CCDC192: variants seen among roughly 807,000 people sequenced by gnomAD.
CCDC192 encodes the protein coiled-coil domain-containing protein 192.
chr5:127,933,076 C>T (rs987986857), intron 6 of CCDC192, among the ~76,000 whole-genome samples: 7 of 152,016 alleles, frequency 4.6e-5, no homozygotes, highest in Non-Finnish European at 8.8e-5. Flanking sequence ...ACATGCCAGG[C>T]CTGGTAGAAC....
intron 2 of CCDC192, among the ~76,000 whole-genome samples, chr5:127,714,786 C>G (rs1751529741): frequency 6.6e-6 from 1 of 152,184 alleles, no homozygotes; most frequent in South Asian, 2.1e-4. Flanking sequence ...CTCTCACCAG[C>G]ATTCATTATT....
At position 127,707,777 on chromosome 5, in the gene CCDC192, G is replaced by GTATGAATTC; in HGVS notation, c.114+19_114+27dup. ...AAAGTATCGGTAAGAAATGAAGTTT[G>GTATGAATTC]TATGAATTCTTTATTTAAAAAAATC... is the stretch of plus-strand genomic sequence containing the variant. On this transcript the variant is annotated intron_variant, in intron 2 of 6. Transcript: ENST00000514853. 2.5e-6 allele frequency: 1 copy of GTATGAATTC among 397,930 alleles called. No homozygotes were observed. The highest frequency in any genetic ancestry group is 4.4e-6 in the Non-Finnish European group (1 of 225,428). The allele number at this position is 397,930 out of a possible 1,614,324, so 24.6% of individuals were successfully genotyped here.
chr5:127,798,257 C>G (rs1757286532), intron 5 of CCDC192, 95 bp downstream of exon 5: 9 of 394,600 alleles, frequency 2.3e-5, no homozygotes, highest in Admixed American at 1.8e-4. Context: ...TGAGTTTCGT[C>G]TGGAGCAAAC....
intron 6 of CCDC192, among the ~76,000 whole-genome samples, chr5:127,913,043 T>C (rs1753419759): frequency 6.6e-6 from 1 of 152,168 alleles, no homozygotes; most frequent in South Asian, 2.1e-4. Context: ...AATGTTCTGG[T>C]TTATATGTGA....
At chr5:127,826,483 T>C (rs1425144609) in intron 5 of CCDC192, among the ~76,000 whole-genome samples, 1 of 151,618 alleles carries the variant, frequency 6.6e-6, no homozygotes, top group Non-Finnish European at 1.5e-5. Flanking sequence ...AACATGTAGG[T>C]TCATCACAGC....
intron 2 of CCDC192, among the ~76,000 whole-genome samples, chr5:127,709,248 A>AGAGAGAGAGAGAGAGAGAGAGAG (rs1751182641): frequency 7.4e-6 from 1 of 135,446 alleles, no homozygotes; most frequent in African/African-American, 2.8e-5. Context: ...AGAGAGAGAG[A>AGAGAGAGAGAGAGAGAGAGAGAG]AATGCTACAC....
intron 3 of CCDC192, among the ~76,000 whole-genome samples, chr5:127,779,305 T>A (rs571288986): frequency 3.0e-4 from 46 of 151,890 alleles, no homozygotes; most frequent in African/African-American, 9.9e-4. Context: ...TATGTAAAAA[T>A]TTTTTTTTGA....
At chr5:127,780,437 C>T (rs1756143421) in intron 3 of CCDC192, among the ~76,000 whole-genome samples, 1 of 152,136 alleles carries the variant, frequency 6.6e-6, no homozygotes, top group Non-Finnish European at 1.5e-5. Flanking sequence ...ACATTCTCAC[C>T]AGCAGTGTAG....
At chr5:127,915,184 T>C (rs1326238954) in intron 6 of CCDC192, among the ~76,000 whole-genome samples, 2 of 152,174 alleles carry the variant, frequency 1.3e-5, no homozygotes, top group African/African-American at 4.8e-5. Flanking sequence ...CACTATACTG[T>C]AGTCTACCAA....
chr5:127,810,514 T>C (rs1322240813), intron 5 of CCDC192, among the ~76,000 whole-genome samples: 5 of 152,176 alleles, frequency 3.3e-5, no homozygotes, highest in Non-Finnish European at 5.9e-5. Flanking sequence ...GGAATATGGA[T>C]TTTTGTTAAG....
intron 5 of CCDC192, among the ~76,000 whole-genome samples, chr5:127,814,804 C>T (rs529097050): frequency 6.6e-6 from 1 of 152,318 alleles, no homozygotes; most frequent in Admixed American, 6.5e-5. Context: ...CAATGAAATT[C>T]TAGCTGCACA....
intron 6 of CCDC192, among the ~76,000 whole-genome samples, chr5:127,902,645 A>G (rs181450395): frequency 6.6e-5 from 10 of 152,334 alleles, no homozygotes; most frequent in Non-Finnish European, 1.3e-4. Context: ...AACAACTTGC[A>G]TGACTATAAA....
chr5:127,747,695 A>G lies in CCDC192; in HGVS notation c.115-6573A>G, dbSNP rs1214782090. 2.0e-5 allele frequency among the ~76,000 whole-genome samples: 3 copies of G among 151,910 alleles called. No homozygotes were observed. In the East Asian group the frequency reaches 5.8e-4, roughly 29 times the overall value. On this transcript the variant is annotated intron_variant, in intron 2 of 6. Transcript: ENST00000514853. ...GGGAATCACCACACTGACTTCCACA[A>G]TGGTTGAACTAGTTTACAGTCCCAC...
At chr5:127,737,400 T>C (rs1753084950) in intron 2 of CCDC192, among the ~76,000 whole-genome samples, 1 of 152,130 alleles carries the variant, frequency 6.6e-6, no homozygotes, top group Admixed American at 6.5e-5. Context: ...AAAAAATGTA[T>C]ATTCTGTTGA....
chr5:127,919,073 A>ATGTGTGTGTGTGTGTGTGTGTGTG (rs70997353), intron 6 of CCDC192, among the ~76,000 whole-genome samples: 1 of 137,310 alleles, frequency 7.3e-6, no homozygotes, highest in African/African-American at 2.6e-5. Flanking sequence ...GTGTGTATAT[A>ATGTGTGTGTGTGTGTGTGTGTGTG]TGTGTGTGTG....
intron 2 of CCDC192, among the ~76,000 whole-genome samples, chr5:127,742,912 G>A (rs1210087106): frequency 6.6e-6 from 1 of 152,022 alleles, no homozygotes; most frequent in Admixed American, 6.6e-5. Flanking sequence ...CTGATCTATG[G>A]GGTGGCATTT....
chr5:127,719,528 C>CAT (rs773459925), intron 2 of CCDC192, among the ~76,000 whole-genome samples: 1,084 of 51,428 alleles, frequency 0.021, 56 homozygotes, highest in African/African-American at 0.086. Flanking sequence ...TATATATACA[C>CAT]ACATACATAT....
At chr5:127,739,304 G>C (rs1341178596) in intron 2 of CCDC192, among the ~76,000 whole-genome samples, 23 of 152,054 alleles carry the variant, frequency 1.5e-4, no homozygotes, top group Middle Eastern at 3.4e-3. Flanking sequence ...TCTCCAGCTG[G>C]GTGCTGGGAG....
chr5:127,746,915 A>C (rs1325883674), intron 2 of CCDC192, among the ~76,000 whole-genome samples: 2 of 152,082 alleles, frequency 1.3e-5, no homozygotes, highest in Non-Finnish European at 2.9e-5. Context: ...AACTGAATGA[A>C]TGCTGTATTT....
Sources: gnomAD v4.1 joint callset for allele counts (sites outside exome capture counted in the v4.1 genomes callset) on GRCh38, gnomAD v4.1.1 for gene constraint, MANE v1.5 for transcripts, NCBI Gene and HGNC (gene_info 2026-07-23, HGNC 2026-07-21) for gene names.